The following MYO18A variants were observed in gnomAD, a reference collection of about 807,000 sequenced individuals.
MYO18A encodes the protein myosin XVIIIA.
A neutral mutation model predicts 235.8 loss-of-function variants in MYO18A; 78 were observed. The observed-to-expected ratio is 0.33, with a 90% CI of 0.28 to 0.40. The LOEUF is 0.40. MYO18A is among the 10% of genes least tolerant of loss of function. The pLI is 1.00. For synonymous variants in MYO18A, 977 were observed against 1,077.8 expected, an observed-to-expected ratio of 0.91 and a Z score of 1.83; for missense variants, 2,215 against 2,699.3, an observed-to-expected ratio of 0.82 and a Z score of 3.98.
At chr17:29,168,849 A>G (rs572451043) in intron 1 of MYO18A, among the ~76,000 whole-genome samples, 5 of 152,282 alleles carry the variant, frequency 3.3e-5, no homozygotes, top group South Asian at 2.1e-4. Context: ...GTAATCCCCA[A>G]TACTTTAGGA....
Position 29,121,351 on chromosome 17 carries a change from AAATGAAGAC to A in MYO18A, c.1372-149_1372-141del, listed in dbSNP as rs1250004097. Reference sequence around the variant, plus strand: ...ATTCCAAGGCCAAGGCCATGCATGGAAATGAAGACACTAAGTCCTGGACTCCATCAAAGG... The same window carrying A: ...ATTCCAAGGCCAAGGCCATGCATGGAACTAAGTCCTGGACTCCATCAAAGG... On this transcript the variant is annotated intron_variant, in intron 5 of 41. Transcript: ENST00000527372. This position sits in a 1 kb window ranked among gnomAD's most constrained non-coding sequence, Gnocchi z 4.2. The A allele has an allele frequency of 7.1e-6, 8 of 1,122,364 alleles. No individual in the cohort carries two copies. Among genetic ancestry groups the A allele is most frequent in the African/African-American group, 1.6e-5 (1 of 64,040 alleles). 69.5% of individuals were successfully genotyped at this position (1,122,364 alleles called of 1,614,324 possible).
intron 38 of MYO18A, 156 bp from the exon 39 acceptor site, chr17:29,086,733 TG>T: frequency 8.3e-7 from 1 of 1,205,370 alleles, no homozygotes; most frequent in Non-Finnish European, 1.1e-6. Context: ...TGCTGGGCTG[TG>T]GGGTCCAAGC....
In MYO18A at chr17:29,115,448, G is replaced by C; in HGVS notation, c.2228-7C>G. 6.2e-7 allele frequency: 1 copy of C among 1,612,834 alleles called. No individual in the cohort carries two copies. The highest frequency in any genetic ancestry group is 8.5e-7 in the Non-Finnish European group (1 of 1,179,534). ...AGTGCACTCAGTTTCGGGCCTGTGG[G>C]GCAGGGGGAGCAGCGCTATCTCCTT... On this transcript the variant is annotated splice_polypyrimidine_tract_variant and splice_region_variant and intron_variant, in intron 12 of 41. Coordinates refer to ENST00000527372, the MANE Select transcript of MYO18A (RefSeq NM_078471.4).
Position 29,111,589 on chromosome 17 carries a change from G to A in MYO18A, c.2741-6C>T. 6.2e-7 allele frequency: 1 copy of A among 1,613,860 alleles called. No homozygotes were observed. On this transcript the variant is annotated splice_polypyrimidine_tract_variant and splice_region_variant and intron_variant, in intron 16 of 41. Transcript: ENST00000527372. The surrounding 1 kb of genome is among the most constrained non-coding windows in gnomAD (Gnocchi z 5.1). ...GTGCAGAAGGGGGCTTTGGCCTGAT[G>A]GTGGGAGAAGCAAGATTTAGGTCGT...
Position 29,117,884 on chromosome 17 carries a change from C to G in MYO18A, c.2038+161G>C. 1 of 849,102 alleles carries G rather than the reference C, an allele frequency of 1.2e-6. No individual in the cohort carries two copies. The highest frequency in any genetic ancestry group is 2.7e-5 in the East Asian group (1 of 37,000). The allele number at this position is 849,102 out of a possible 1,614,324, so 52.6% of individuals were successfully genotyped here. ...GTCACTGCCAAAGATGCTTCCCGGG[C>G]CTTCTGCTCTGAAGTGGGGGGCTGA... On this transcript the variant is annotated intron_variant, in intron 10 of 41. Coordinates refer to ENST00000527372, the MANE Select transcript of MYO18A (RefSeq NM_078471.4). The surrounding 1 kb of genome is among the most constrained non-coding windows in gnomAD (Gnocchi z 4.6).
rs1312465576 is a variant in MYO18A at position 29,114,110 on chromosome 17, G to T, written c.2512-13C>A. The T allele has an allele frequency of 1.3e-6, 2 of 1,581,320 alleles. No homozygotes were observed. The highest frequency in any genetic ancestry group is 8.6e-7 in the Non-Finnish European group (1 of 1,162,942). Reference sequence around the variant, plus strand: ...GCTCGATGTTCTCCTGGGAAAGAAGGCCGAGCGGTAGTGAGCATGGGGGTC... The same window carrying T: ...GCTCGATGTTCTCCTGGGAAAGAAGTCCGAGCGGTAGTGAGCATGGGGGTC... On this transcript the variant is annotated splice_polypyrimidine_tract_variant and intron_variant, in intron 14 of 41. Coordinates refer to ENST00000527372, the MANE Select transcript of MYO18A (RefSeq NM_078471.4).
intron 41 of MYO18A, among the ~76,000 whole-genome samples, chr17:29,081,702 T>C (rs919026741): frequency 6.6e-6 from 1 of 151,930 alleles, no homozygotes; most frequent in South Asian, 2.1e-4. Context: ...AGGAAAGAGA[T>C]GGGCAAGGGG....
At chr17:29,130,114 T>C (rs950934960) in intron 2 of MYO18A, among the ~76,000 whole-genome samples, 1 of 151,852 alleles carries the variant, frequency 6.6e-6, no homozygotes, top group Non-Finnish European at 1.5e-5. Context: ...CTGGGCAACA[T>C]GGTGAAACTG....
intron 20 of MYO18A, among the ~76,000 whole-genome samples, chr17:29,103,870 G>A (rs1019341187): frequency 6.6e-6 from 1 of 152,278 alleles, no homozygotes; most frequent in African/African-American, 2.4e-5. Context: ...TTGCTGGGGA[G>A]CAAGACAAGT....
intron 37 of MYO18A, 38 bp downstream of exon 37, chr17:29,089,923 G>C: frequency 6.2e-7 from 1 of 1,613,294 alleles, no homozygotes; most frequent in Non-Finnish European, 8.5e-7. Flanking sequence ...GGGCAGCTCT[G>C]CCCTGTTTGG....
At chr17:29,142,955 G>C (rs2067772319) in intron 2 of MYO18A, among the ~76,000 whole-genome samples, 4 of 152,180 alleles carry the variant, frequency 2.6e-5, no homozygotes, top group Non-Finnish European at 5.9e-5. Flanking sequence ...TTACAGGCAG[G>C]CGCCACCACG....
At chr17:29,082,692 G>T (rs1226507366) in intron 40 of MYO18A, among the ~76,000 whole-genome samples, 1 of 152,004 alleles carries the variant, frequency 6.6e-6, no homozygotes, top group Non-Finnish European at 1.5e-5. Flanking sequence ...TCCCAAGCCA[G>T]TTATCTGTGA....
Position 29,118,365 on chromosome 17 carries a change from C to A in MYO18A, c.1893+12G>T. 2 of 1,600,794 alleles carry A rather than the reference C, an allele frequency of 1.2e-6. No individual in the cohort carries two copies. Among genetic ancestry groups the A allele is most frequent in the Admixed American group, 1.7e-5 (1 of 59,518 alleles). On this transcript the variant is annotated intron_variant, in intron 9 of 41. Transcript: ENST00000527372. The surrounding 1 kb of genome is among the most constrained non-coding windows in gnomAD (Gnocchi z 4.2). ...CCCAGGGCTGGCAACCCAGACCCCA[C>A]AGACCCCTCACCTTGGCCAGTGGCA...
Position 29,140,205 on chromosome 17 carries a change from G to A in MYO18A, c.1000-17952C>T. ...CAAGAAGCTCGGAGAGGAGCCCCAA[G>A]GCTGCCCCACCCCTCTCCCCACCTA... On this transcript the variant is annotated intron_variant, in intron 2 of 41. Coordinates refer to ENST00000527372, the MANE Select transcript of MYO18A (RefSeq NM_078471.4). This position sits in a 1 kb window ranked among gnomAD's most constrained non-coding sequence, Gnocchi z 4.2. 1 of 503,350 alleles carries A rather than the reference G, an allele frequency of 2.0e-6. No individual in the cohort carries two copies. The allele number at this position is 503,350 out of a possible 1,614,324, so 31.2% of individuals were successfully genotyped here.
intron 2 of MYO18A, among the ~76,000 whole-genome samples, chr17:29,159,496 A>G (rs887272757): frequency 6.6e-6 from 1 of 152,214 alleles, no homozygotes; most frequent in Non-Finnish European, 1.5e-5. Context: ...ACAGAAACAG[A>G]AACCAAAAAC....
At chr17:29,084,133 C>A (rs2066191445) in intron 40 of MYO18A, among the ~76,000 whole-genome samples, 1 of 152,156 alleles carries the variant, frequency 6.6e-6, no homozygotes, top group South Asian at 2.1e-4. Context: ...TCAGCCGGAA[C>A]CTGGTTAGAG....
chr17:29,133,400 C>T (rs2067520443), intron 2 of MYO18A, among the ~76,000 whole-genome samples: 1 of 152,228 alleles, frequency 6.6e-6, no homozygotes, highest in South Asian at 2.1e-4. Context: ...CACCCTTGGC[C>T]CCTTGTCCTC....
At position 29,140,077 on chromosome 17, in the gene MYO18A, T is replaced by A. The variant is rs2067700778; in HGVS notation, c.1000-17824A>T. ...CAGGAAACTGAGGTTCAGAAGACAG[T>A]GCCCCTCCAAAACTCCTGAAGTCAT... On this transcript the variant is annotated intron_variant, in intron 2 of 41. Transcript: ENST00000527372. This position sits in a 1 kb window ranked among gnomAD's most constrained non-coding sequence, Gnocchi z 4.2. Among the ~76,000 whole-genome samples the A allele has an allele frequency of 1.3e-5, 2 of 152,078 alleles. No homozygotes were observed. The highest frequency in any genetic ancestry group is 4.1e-4 in the South Asian group (2 of 4,822).
rs1598305835 is a variant in MYO18A at position 29,103,621 on chromosome 17, C to T, written c.3485G>A (p.Ser1162Asn). The change falls in exon 21 of 42, where the codon AGC becomes AAC. Residue 1162 changes from serine (S) to asparagine (N), a missense_variant. Coordinates refer to ENST00000527372, the MANE Select transcript of MYO18A (RefSeq NM_078471.4). The part of the protein sequence containing the change: ...LLECLDLEKS[S>N]CCMGLSRVFF... ...CACCCGGCTCAGGCCCATGCAGCAG[C>T]TGCTCTTCTCCAGATCCAAGCACTC... The T allele has an allele frequency of 1.2e-6, 2 of 1,613,916 alleles. No individual in the cohort carries two copies. The highest frequency in any genetic ancestry group is 1.7e-6 in the Non-Finnish European group (2 of 1,179,884).
Sources: allele counts gnomAD v4.1 joint callset (sites outside exome capture counted in the v4.1 genomes callset), GRCh38; gene constraint gnomAD v4.1.1; non-coding constraint Gnocchi (gnomAD v3.1); transcripts MANE v1.5; gene names NCBI Gene and HGNC (gene_info 2026-07-23, HGNC 2026-07-21).